RPS6KA2: variants seen among roughly 807,000 people sequenced by gnomAD.
RPS6KA2 encodes the protein ribosomal protein S6 kinase A2, also known as ribosomal protein S6 kinase alpha-2.
RPS6KA2 carries 42 observed loss-of-function variants against 91.8 expected under a neutral mutation model. The ratio of observed to expected loss-of-function variants is 0.46; its 90% CI spans 0.36 to 0.59. RPS6KA2 has a LOEUF of 0.59. Ranked by LOEUF, RPS6KA2 falls within the 20% of genes least tolerant of loss-of-function variation. The probability of loss-of-function intolerance (pLI) is 0.00; values close to 1 mark genes in which losing one functional copy is unlikely to be tolerated. For missense variants in RPS6KA2, 798 were observed against 978.5 expected, an observed-to-expected ratio of 0.82 and a Z score of 2.46; for synonymous variants, 414 against 393.6, an observed-to-expected ratio of 1.05 and a Z score of -0.61.
intron 2 of RPS6KA2, among the ~76,000 whole-genome samples, chr6:166,795,464 T>C (rs9457217): frequency 0.17 from 25,297 of 152,234 alleles, 2,257 homozygotes; most frequent in African/African-American, 0.21. Context: ...AAAGAGCCAG[T>C]GCCCAGCAAG....
chr6:166,413,086 G>A (rs912986800), intron 20 of RPS6KA2, among the ~76,000 whole-genome samples, 199 bp from the exon 21 acceptor site: 5 of 152,036 alleles, frequency 3.3e-5, no homozygotes, highest in Non-Finnish European at 5.9e-5. Context: ...CAGGGGCCCT[G>A]TCTCCTGCAC....
At chr6:166,572,932 G>T (rs183766672) in intron 1 of RPS6KA2, among the ~76,000 whole-genome samples, 2 of 152,388 alleles carry the variant, frequency 1.3e-5, no homozygotes, top group Non-Finnish European at 2.9e-5. Flanking sequence ...AGCTCATGAG[G>T]TTGGGCCCAG....
At chr6:166,817,603 A>C (rs1296300088) in intron 2 of RPS6KA2, among the ~76,000 whole-genome samples, 1 of 152,198 alleles carries the variant, frequency 6.6e-6, no homozygotes, top group Non-Finnish European at 1.5e-5. Context: ...AGAATCGCAC[A>C]AGGAGCACCC....
rs1783353353 is a variant in RPS6KA2, at chr6:166,533,211, T to G, written c.217-1898A>C. 6.6e-6 allele frequency among the ~76,000 whole-genome samples: 1 copy of G among 152,254 alleles called. No individual in the cohort carries two copies. The highest frequency in any genetic ancestry group is 2.4e-5 in the African/African-American group (1 of 41,472). ...GAAAGTCACATGCCATGCACAGTTTTAGCTTCCATCTGATGCAACTCCTTT... is the reference window on the plus strand; with the variant it reads ...GAAAGTCACATGCCATGCACAGTTTGAGCTTCCATCTGATGCAACTCCTTT... On this transcript the variant is annotated intron_variant, in intron 2 of 20. Transcript: ENST00000265678. This position sits in a 1 kb window ranked among gnomAD's most constrained non-coding sequence, Gnocchi z 4.0.
In RPS6KA2 at chr6:166,466,676, G is replaced by A. The variant is rs78639952; in HGVS notation, c.972+3165C>T. ...GAAATGGAGGGGGCAAGTCTCCCTC[G>A]ACAGCTGTGACTCCTGTCTTGAGAG... is the stretch of plus-strand genomic sequence containing the variant. On this transcript the variant is annotated intron_variant, in intron 11 of 20. Coordinates refer to ENST00000265678, the MANE Select transcript of RPS6KA2 (RefSeq NM_021135.6). Among the ~76,000 whole-genome samples the A allele has an allele frequency of 3.2e-4, 49 of 152,318 alleles. No homozygotes were observed. The East Asian group carries it at 8.9e-3, about 28-fold the overall frequency.
chr6:166,789,436 G>T (rs111309235), intron 2 of RPS6KA2, among the ~76,000 whole-genome samples: 7,441 of 152,304 alleles, frequency 0.049, 606 homozygotes, highest in African/African-American at 0.17. Context: ...GCCTCTGGGG[G>T]CAGGGCACAG....
At chr6:166,517,455 GTTTTTTTTTTTT>G (rs71032809) in intron 3 of RPS6KA2, among the ~76,000 whole-genome samples, 7 of 104,934 alleles carry the variant, frequency 6.7e-5, no homozygotes, top group East Asian at 2.4e-4. Context: ...CTTTTGTTTT[GTTTTTTTTTTTT>G]TTTTTTTTTT....
chr6:166,619,968 A>C (rs1413556806), intron 1 of RPS6KA2, among the ~76,000 whole-genome samples: 1 of 152,164 alleles, frequency 6.6e-6, no homozygotes, highest in East Asian at 1.9e-4. Context: ...TCCTGTTATA[A>C]ATTTGGCCTC....
chr6:166,684,128 G>T (rs1212699027), intron 2 of RPS6KA2, among the ~76,000 whole-genome samples: 1 of 152,154 alleles, frequency 6.6e-6, no homozygotes, highest in Admixed American at 6.5e-5. Context: ...GGTAGGAGAC[G>T]GGACTTGACT....
At chr6:166,519,606 T>C (rs1782776642) in intron 3 of RPS6KA2, among the ~76,000 whole-genome samples, 1 of 152,306 alleles carries the variant, frequency 6.6e-6, no homozygotes, top group African/African-American at 2.4e-5. Context: ...GGGGCTGAGA[T>C]GGTTGTGGAG....
intron 2 of RPS6KA2, among the ~76,000 whole-genome samples, chr6:166,695,872 C>A (rs180697481): frequency 1.3e-5 from 2 of 152,084 alleles, no homozygotes; most frequent in East Asian, 3.9e-4. Context: ...CATAGGAGCA[C>A]TAAATTCTCA....
intron 2 of RPS6KA2, among the ~76,000 whole-genome samples, chr6:166,730,983 C>T (rs1368590673): frequency 6.6e-6 from 1 of 152,216 alleles, no homozygotes; most frequent in Non-Finnish European, 1.5e-5. Context: ...TGGCTCTTGC[C>T]TGTAATCCCA....
chr6:166,723,444 C>G (rs1349271165), intron 2 of RPS6KA2, among the ~76,000 whole-genome samples: 1 of 152,098 alleles, frequency 6.6e-6, no homozygotes, highest in Non-Finnish European at 1.5e-5. Flanking sequence ...TTCTTCACCC[C>G]AGGGGGGTCC....
chr6:166,524,245 G>T (rs765407002), intron 3 of RPS6KA2, among the ~76,000 whole-genome samples: 2 of 152,122 alleles, frequency 1.3e-5, no homozygotes, highest in African/African-American at 2.4e-5. Context: ...TCTCCTCTAG[G>T]CTGAGAAAGT....
At chr6:166,649,346 T>C (rs1025119378) in intron 2 of RPS6KA2, among the ~76,000 whole-genome samples, 2 of 152,212 alleles carry the variant, frequency 1.3e-5, no homozygotes, top group African/African-American at 4.8e-5. Flanking sequence ...AGATAAAACT[T>C]ATTTCTCCTG....
chr6:166,423,385 G>C lies in RPS6KA2; in HGVS notation c.1614C>G (p.Ile538Met). The change falls in exon 17 of 21, where the codon ATC (isoleucine) becomes ATG (methionine). Residue 538 changes from isoleucine (I) to methionine (M), a missense_variant. Ile to Met is a conservative substitution (Grantham distance 10). Transcript: ENST00000265678. This position sits in a 1 kb window ranked among gnomAD's most constrained non-coding sequence, Gnocchi z 4.8. ...VVHRDLKPSNILYRDESGSPE... is the reference protein window; with the variant it reads ...VVHRDLKPSNMLYRDESGSPE... ...GGCTCCCCGACTCATCCCTGTACAG[G>C]ATGTTACTCGGCTTCAGGTCTCGAT... 6.2e-7 allele frequency: 1 copy of C among 1,613,028 alleles called. No homozygotes were observed. Among genetic ancestry groups the C allele is most frequent in the Non-Finnish European group, 8.5e-7 (1 of 1,179,068 alleles).
Position 166,694,403 on chromosome 6 carries a change from G to A in RPS6KA2, c.124-155619C>T, listed in dbSNP as rs184740147. ...TCTGTTCACCCATCTCTCCATTCACGGTCTTCCAATACAATAAAGTCACTA... is the reference window on the plus strand; with the variant it reads ...TCTGTTCACCCATCTCTCCATTCACAGTCTTCCAATACAATAAAGTCACTA... On this transcript the variant is annotated intron_variant, in intron 2 of 21. Transcript: ENST00000503859. Among the ~76,000 whole-genome samples, 86 of 152,208 alleles carry A rather than the reference G, an allele frequency of 5.7e-4. 1 individual carries two copies. The highest frequency in any genetic ancestry group is 1.9e-3 in the African/African-American group (77 of 41,530).
At chr6:166,826,505 C>T (rs1305825217) in intron 2 of RPS6KA2, among the ~76,000 whole-genome samples, 1 of 152,224 alleles carries the variant, frequency 6.6e-6, no homozygotes, top group African/African-American at 2.4e-5. Flanking sequence ...GAGAATCTCC[C>T]ACACACCTCC....
chr6:166,627,272 A>G, upstream of RPS6KA2: 1 of 995,128 alleles, frequency 1.0e-6, no homozygotes, highest in South Asian at 4.6e-5. Context: ...GCCACGCGCC[A>G]CGCCTACACC....
Sources: allele counts gnomAD v4.1 joint callset (sites outside exome capture counted in the v4.1 genomes callset), GRCh38; gene constraint gnomAD v4.1.1; non-coding constraint Gnocchi (gnomAD v3.1); transcripts MANE v1.5; gene names NCBI Gene and HGNC (gene_info 2026-07-23, HGNC 2026-07-21).